Variants in NFIB observed in about 807,000 individuals in gnomAD.
The protein encoded by NFIB is nuclear factor I B.
Under a neutral mutation model 61.5 loss-of-function variants are expected in NFIB, and 11 were observed. That is an observed-to-expected ratio of 0.18 (90% CI 0.11 to 0.30). The LOEUF (loss-of-function observed/expected upper bound fraction) is 0.30. NFIB is among the 10% of genes least tolerant of loss of function. The pLI, the probability that NFIB is intolerant of heterozygous loss-of-function variation, is 1.00. For synonymous variants in NFIB, 260 were observed against 216.5 expected, an observed-to-expected ratio of 1.20 and a Z score of -1.76; for missense variants, 471 against 608.9, an observed-to-expected ratio of 0.77 and a Z score of 2.38.
At chr9:14,472,116 T>A in the NFIB span, among the ~76,000 whole-genome samples, 66 of 152,346 alleles carry the variant, frequency 4.3e-4, no homozygotes, top group African/African-American at 1.6e-3. Flanking sequence ...ATGGATTACC[T>A]GTAGATCATC....
chr9:14,351,080 T>C (rs2061105055), intron 1 of NFIB, among the ~76,000 whole-genome samples: 2 of 152,120 alleles, frequency 1.3e-5, no homozygotes, highest in African/African-American at 4.8e-5. Flanking sequence ...AAATCTTTAG[T>C]TGGTTTTCAG....
At chr9:14,214,802 T>G (rs2050679067) in intron 2 of NFIB, among the ~76,000 whole-genome samples, 1 of 152,222 alleles carries the variant, frequency 6.6e-6, no homozygotes, top group African/African-American at 2.4e-5. Context: ...ATGAATATCC[T>G]GCTGAGAGCT....
the NFIB span, among the ~76,000 whole-genome samples, chr9:14,494,069 G>C: frequency 6.6e-6 from 1 of 152,170 alleles, no homozygotes; most frequent in African/African-American, 2.4e-5. Context: ...CTTAGGCGAG[G>C]GGGTTTTCTG....
chr9:14,417,704 A>T, the NFIB span, among the ~76,000 whole-genome samples: 1 of 152,176 alleles, frequency 6.6e-6, no homozygotes. Flanking sequence ...GGTATTATTT[A>T]AAATACAAGT....
At chr9:14,292,394 G>A (rs559933541) in intron 2 of NFIB, among the ~76,000 whole-genome samples, 53 of 152,278 alleles carry the variant, frequency 3.5e-4, no homozygotes, top group African/African-American at 1.2e-3. Flanking sequence ...ACATGAAAGT[G>A]TTACTCAAGA....
chr9:14,402,927 G>A (rs996056483), upstream of NFIB, among the ~76,000 whole-genome samples: 2 of 152,150 alleles, frequency 1.3e-5, no homozygotes, highest in South Asian at 4.2e-4. Flanking sequence ...AAAAGTAGTC[G>A]ATTTCTAAAA....
At chr9:14,200,631 A>G (rs1261173116) in intron 2 of NFIB, among the ~76,000 whole-genome samples, 3 of 150,986 alleles carry the variant, frequency 2.0e-5, no homozygotes, top group African/African-American at 7.3e-5. Flanking sequence ...TTAGGGCACC[A>G]CTCCTTTCTT....
At chr9:14,245,749 T>C (rs181031915) in intron 2 of NFIB, among the ~76,000 whole-genome samples, 60 of 152,180 alleles carry the variant, frequency 3.9e-4, no homozygotes, top group Admixed American at 1.4e-3. Flanking sequence ...AATGCACATC[T>C]GTAATCCCAG....
chr9:14,158,704 A>G (rs1006734886), intron 3 of NFIB, among the ~76,000 whole-genome samples: 1 of 152,230 alleles, frequency 6.6e-6, no homozygotes, highest in Non-Finnish European at 1.5e-5. Context: ...ATGGATAATT[A>G]TACTAACCTC....
the NFIB span, among the ~76,000 whole-genome samples, chr9:14,423,401 G>T: frequency 1.3e-5 from 2 of 152,172 alleles, no homozygotes; most frequent in African/African-American, 4.8e-5. Context: ...TGTGGACAAG[G>T]GGACTGATTT....
chr9:14,521,757 A>G, the NFIB span, among the ~76,000 whole-genome samples: 6 of 152,332 alleles, frequency 3.9e-5, no homozygotes, highest in African/African-American at 1.2e-4. Flanking sequence ...TACATTAGCA[A>G]TCACTCAGTC....
chr9:14,473,290 G>A, the NFIB span, among the ~76,000 whole-genome samples: 1 of 152,196 alleles, frequency 6.6e-6, no homozygotes, highest in Non-Finnish European at 1.5e-5. Flanking sequence ...TTTTTGACCT[G>A]GGGTAGAAAA....
intron 2 of NFIB, among the ~76,000 whole-genome samples, chr9:14,208,364 C>A (rs1250892918): frequency 6.6e-6 from 1 of 152,086 alleles, no homozygotes. Context: ...AAAAATTACA[C>A]CTCATTCCAA....
intron 2 of NFIB, among the ~76,000 whole-genome samples, chr9:14,239,273 T>A (rs1407130136): frequency 6.6e-6 from 1 of 152,196 alleles, no homozygotes; most frequent in Non-Finnish European, 1.5e-5. Flanking sequence ...AACACATAAA[T>A]CCCATTAGGT....
At chr9:14,446,535 C>T in the NFIB span, among the ~76,000 whole-genome samples, 1 of 152,248 alleles carries the variant, frequency 6.6e-6, no homozygotes, top group Admixed American at 6.5e-5. Flanking sequence ...TCAAACTCAT[C>T]CATTTCATTT....
intron 1 of NFIB, among the ~76,000 whole-genome samples, chr9:14,343,869 G>C (rs149443065): frequency 7.0e-4 from 107 of 152,050 alleles, no homozygotes; most frequent in African/African-American, 2.2e-3. Flanking sequence ...TATAGAAAGA[G>C]AGCAAAGAAC....
intron 2 of NFIB, among the ~76,000 whole-genome samples, chr9:14,303,767 TC>T: frequency 6.6e-6 from 1 of 152,172 alleles, no homozygotes; most frequent in South Asian, 2.1e-4. Flanking sequence ...GCCTTTTTTT[TC>T]CCCCTCGCCT....
chr9:14,335,898 A>G (rs2060880821), intron 1 of NFIB, among the ~76,000 whole-genome samples: 1 of 152,236 alleles, frequency 6.6e-6, no homozygotes, highest in Non-Finnish European at 1.5e-5. Flanking sequence ...ATGGATATTT[A>G]ATTGTTCCAA....
chr9:14,165,351 A>C (rs2044665349), intron 3 of NFIB, among the ~76,000 whole-genome samples: 1 of 152,136 alleles, frequency 6.6e-6, no homozygotes, highest in Non-Finnish European at 1.5e-5. Context: ...TGAACCAACC[A>C]ATGAAAGATC....
Sources: gnomAD v4.1 joint callset for allele counts (sites outside exome capture counted in the v4.1 genomes callset) on GRCh38, gnomAD v4.1.1 for gene constraint, MANE v1.5 for transcripts, NCBI Gene and HGNC (gene_info 2026-07-23, HGNC 2026-07-21) for gene names.